The following CTDSPL2 variants were observed in gnomAD, a reference collection of about 807,000 sequenced individuals.
The protein encoded by CTDSPL2 is CTD small phosphatase-like protein 2.
Under a neutral mutation model 60.0 loss-of-function variants are expected in CTDSPL2, and 5 were observed. The observed-to-expected ratio is 0.08, with a 90% CI of 0.04 to 0.18. The LOEUF (loss-of-function observed/expected upper bound fraction) is 0.18. Ranked by LOEUF, CTDSPL2 falls within the 10% of genes least tolerant of loss-of-function variation. The pLI, the probability that CTDSPL2 is intolerant of heterozygous loss-of-function variation, is 1.00. For synonymous variants in CTDSPL2, 186 were observed against 189.3 expected (o/e 0.98, Z 0.14); for missense variants, 370 against 548.8 (o/e 0.67, Z 3.26).
At position 44,454,842 on chromosome 15, in the gene CTDSPL2, G is replaced by C. The variant is rs530966578; in HGVS notation, c.-24-4149G>C. On this transcript the variant is annotated intron_variant, in intron 1 of 12. Transcript: ENST00000260327. Reference sequence around the variant, plus strand: ...TTGGTTACTGTAGCCTTGTAGTATAGTTTGAAGTCAGGTAGCGTAATGCCT... The same window carrying C: ...TTGGTTACTGTAGCCTTGTAGTATACTTTGAAGTCAGGTAGCGTAATGCCT... 1.2e-4 allele frequency among the ~76,000 whole-genome samples: 18 copies of C among 152,312 alleles called. No homozygotes were observed. The South Asian group carries it at 3.5e-3, about 30-fold the overall frequency.
Position 44,437,296 on chromosome 15 carries a change from G to C in CTDSPL2, c.-25+9524G>C, listed in dbSNP as rs532966918. ...GCACATAAGTAAGTTCTAATTTGTT[G>C]AGAATTCTTCATATACAATGTGCTA... On this transcript the variant is annotated intron_variant, in intron 1 of 12. Coordinates refer to ENST00000260327, the MANE Select transcript of CTDSPL2 (RefSeq NM_016396.3). Among the ~76,000 whole-genome samples, 184 of 152,270 alleles carry C rather than the reference G, an allele frequency of 1.2e-3. 1 individual carries two copies. The highest frequency in any genetic ancestry group is 4.3e-3 in the African/African-American group (180 of 41,554).
intron 2 of CTDSPL2, among the ~76,000 whole-genome samples, chr15:44,467,302 A>G (rs1198299865): frequency 6.6e-6 from 1 of 152,068 alleles, no homozygotes; most frequent in Non-Finnish European, 1.5e-5. Context: ...CATCACTGGG[A>G]CTTATTTTTT....
At chr15:44,443,500 C>G (rs1008404979) in intron 1 of CTDSPL2, among the ~76,000 whole-genome samples, 11 of 152,200 alleles carry the variant, frequency 7.2e-5, no homozygotes, top group African/African-American at 2.4e-4. Context: ...AGCAGCTTTA[C>G]TATTTTACAT....
intron 1 of CTDSPL2, among the ~76,000 whole-genome samples, chr15:44,456,701 T>C (rs995112741): frequency 1.3e-5 from 2 of 151,610 alleles, no homozygotes; most frequent in Non-Finnish European, 2.9e-5. Context: ...GCTCCTGGAT[T>C]CATTGATTTT....
At chr15:44,436,518 C>G (rs2079985111) in intron 1 of CTDSPL2, among the ~76,000 whole-genome samples, 1 of 152,014 alleles carries the variant, frequency 6.6e-6, no homozygotes, top group Non-Finnish European at 1.5e-5. Flanking sequence ...ATCTGATGTC[C>G]AATAATTTCT....
In CTDSPL2 at chr15:44,525,992, C is replaced by G. The variant is rs1389192384; in HGVS notation, c.*1818C>G. 1 of 151,708 alleles carries G rather than the reference C, an allele frequency of 6.6e-6. No homozygotes were observed. Among genetic ancestry groups the G allele is most frequent in the Non-Finnish European group, 1.5e-5 (1 of 67,872 alleles). The allele number at this position is 151,708 out of a possible 1,614,324, so 9.4% of individuals were successfully genotyped here. On this transcript the variant is annotated 3_prime_UTR_variant, in exon 13 of 13. Coordinates refer to ENST00000260327, the MANE Select transcript of CTDSPL2 (RefSeq NM_016396.3). The stretch of plus-strand genomic sequence containing the variant: ...ATTTTCTGCAAAAAAAAAACAAAAG[C>G]ATTTGCAATTCAGAATACTGATTTT...
At chr15:44,442,446 CAAAAA>C (rs553756112) in intron 1 of CTDSPL2, among the ~76,000 whole-genome samples, 2 of 60,716 alleles carry the variant, frequency 3.3e-5, no homozygotes, top group African/African-American at 5.8e-5. Flanking sequence ...GACTCTGTCT[CAAAAA>C]AAAAAAAAAA....
chr15:44,496,450 A>T lies in CTDSPL2; in HGVS notation c.762A>T (p.Val254=). 2 of 1,613,406 alleles carry T rather than the reference A, an allele frequency of 1.2e-6. No homozygotes were observed. The highest frequency in any genetic ancestry group is 1.7e-6 in the Non-Finnish European group (2 of 1,179,438). The change falls in exon 6 of 13, where the codon GTA becomes GTT. Residue 254 remains valine, a synonymous_variant. Transcript: ENST00000260327. ...CCACCTATGAAGAAGACTGGGAAGT[A>T]TTTGACCCGTGAGTTGCTTTTTTCT... ...AEATYEEDWE[V]FDPYYFIKHV...
Position 44,527,123 on chromosome 15 carries a change from T to C in CTDSPL2, c.*2949T>C, listed in dbSNP as rs890369414. On this transcript the variant is annotated 3_prime_UTR_variant, in exon 13 of 13. Coordinates refer to ENST00000260327, the MANE Select transcript of CTDSPL2 (RefSeq NM_016396.3). The stretch of plus-strand genomic sequence containing the variant: ...ATTGTTTTATATTAGCTAGTATGTA[T>C]ATTTATTTTTACCCAATGGCTTTAT... The C allele has an allele frequency of 4.6e-5, 7 of 152,620 alleles. No homozygotes were observed. The highest frequency in any genetic ancestry group is 7.2e-5 in the African/African-American group (3 of 41,462). The allele number at this position is 152,620 out of a possible 1,614,324, so 9.5% of individuals were successfully genotyped here.
chr15:44,521,895 G>A (rs1190274212), intron 12 of CTDSPL2, among the ~76,000 whole-genome samples: 3 of 112,834 alleles, frequency 2.7e-5, no homozygotes, highest in Non-Finnish European at 4.9e-5. Flanking sequence ...CCGAGATCGC[G>A]CCACTGCACT....
At position 44,526,645 on chromosome 15, in the gene CTDSPL2, C is replaced by G. The variant is rs369349136; in HGVS notation, c.*2471C>G. ...CAAAATTTAAGATAATTTACAGAGA[C>G]AATTTATCCAGCTTCCTTCTACCTT... On this transcript the variant is annotated 3_prime_UTR_variant, in exon 13 of 13. Coordinates refer to ENST00000260327, the MANE Select transcript of CTDSPL2 (RefSeq NM_016396.3). The G allele has an allele frequency of 3.3e-5, 5 of 152,204 alleles. No individual in the cohort carries two copies. Among genetic ancestry groups the G allele is most frequent in the African/African-American group, 1.2e-4 (5 of 41,530 alleles). 9.4% of individuals were successfully genotyped at this position (152,204 alleles called of 1,614,324 possible). A position where few individuals can be genotyped will look rare whatever the true frequency, so the allele number is the denominator to read the frequency against.
At chr15:44,513,191 C>T (rs2081594427) in intron 8 of CTDSPL2, among the ~76,000 whole-genome samples, 1 of 152,078 alleles carries the variant, frequency 6.6e-6, no homozygotes, top group Non-Finnish European at 1.5e-5. Flanking sequence ...TCTGGCCTGG[C>T]TTGGTGGCTC....
chr15:44,475,377 G>A (rs1163164657), intron 2 of CTDSPL2, among the ~76,000 whole-genome samples: 1 of 152,112 alleles, frequency 6.6e-6, no homozygotes, highest in Non-Finnish European at 1.5e-5. Flanking sequence ...GGTGGCTCAC[G>A]CCTATAATCC....
chr15:44,514,569 T>G, intron 8 of CTDSPL2, 29 bp from the exon 9 acceptor site: 1 of 1,380,036 alleles, frequency 7.2e-7, no homozygotes, highest in Non-Finnish European at 1.0e-6. Context: ...TATGTTTATT[T>G]GCTGAAACTT....
chr15:44,498,267 C>T (rs1403217765), intron 7 of CTDSPL2, among the ~76,000 whole-genome samples: 4 of 152,056 alleles, frequency 2.6e-5, no homozygotes, highest in Non-Finnish European at 5.9e-5. Context: ...TACTGGAACC[C>T]TATAATTGGT....
intron 10 of CTDSPL2, chr15:44,517,572 C>CT (rs2081679869): frequency 6.6e-6 from 1 of 152,108 alleles, no homozygotes; most frequent in African/African-American, 2.4e-5. Context: ...ATGATCTGCT[C>CT]TTTGATGACT....
At chr15:44,493,958 A>AC in intron 5 of CTDSPL2, among the ~76,000 whole-genome samples, 1 of 152,338 alleles carries the variant, frequency 6.6e-6, no homozygotes, top group Middle Eastern at 3.4e-3. Flanking sequence ...CATTGGACAT[A>AC]CACACCACGT....
intron 2 of CTDSPL2, among the ~76,000 whole-genome samples, chr15:44,479,724 A>G (rs1387921502): frequency 1.3e-5 from 2 of 151,980 alleles, no homozygotes; most frequent in African/African-American, 4.8e-5. Flanking sequence ...ATTTTGCCTG[A>G]TTTTGAAATA....
At chr15:44,436,842 A>G (rs1051161842) in intron 1 of CTDSPL2, among the ~76,000 whole-genome samples, 3 of 152,164 alleles carry the variant, frequency 2.0e-5, no homozygotes, top group South Asian at 2.1e-4. Flanking sequence ...CTCTTAATGC[A>G]TGACACATCA....
Sources: gnomAD v4.1 joint callset for allele counts (sites outside exome capture counted in the v4.1 genomes callset) on GRCh38, gnomAD v4.1.1 for gene constraint, MANE v1.5 for transcripts, NCBI Gene and HGNC (gene_info 2026-07-23, HGNC 2026-07-21) for gene names.